TRAF3IP3: variants seen among roughly 807,000 people sequenced by gnomAD.
TRAF3IP3 encodes TRAF3-interacting JNK-activating modulator.
In TRAF3IP3, 64 loss-of-function variants were observed where a neutral mutation model predicts 86.5. The observed-to-expected ratio is 0.74, with a 90% CI of 0.60 to 0.91. The LOEUF (loss-of-function observed/expected upper bound fraction) is 0.91. Among genes scored for constraint, TRAF3IP3 ranks in the 40% least tolerant of loss-of-function variants. The probability of loss-of-function intolerance (pLI) is 0.00; values close to 1 mark genes in which losing one functional copy is unlikely to be tolerated. For missense variants in TRAF3IP3, 579 were observed against 642.9 expected (o/e 0.90, Z 1.07); for synonymous variants, 220 against 243.9 (o/e 0.90, Z 0.91).
intron 9 of TRAF3IP3, among the ~76,000 whole-genome samples, chr1:209,773,829 C>A (rs2077596658): frequency 6.6e-6 from 1 of 152,182 alleles, no homozygotes; most frequent in African/African-American, 2.4e-5. Flanking sequence ...AATATATAAT[C>A]CAGAATGCCA....
rs762449706 is a variant in TRAF3IP3 at position 209,775,566 on chromosome 1, C to T, written c.916-33C>T. ...AACAAGGGGAGCCAGCTGCACAACT[C>T]CCTGGAGCCCTCTCCTCTCTGATCT... is the stretch of plus-strand genomic sequence containing the variant. On this transcript the variant is annotated intron_variant, in intron 10 of 16. Coordinates refer to ENST00000367025, the MANE Select transcript of TRAF3IP3 (RefSeq NM_025228.4). The T allele has an allele frequency of 1.9e-6, 3 of 1,614,176 alleles. No individual in the cohort carries two copies. The South Asian group carries it at 3.3e-5, about 18-fold the overall frequency.
At chr1:209,766,470 T>C (rs1001172374) in intron 8 of TRAF3IP3, among the ~76,000 whole-genome samples, 6 of 152,088 alleles carry the variant, frequency 3.9e-5, no homozygotes, top group African/African-American at 1.4e-4. Flanking sequence ...ACCAAAACAG[T>C]ATAATAAGGC....
At chr1:209,778,555 T>C (rs1340171746) in intron 13 of TRAF3IP3, 3 of 177,676 alleles carry the variant, frequency 1.7e-5, no homozygotes, top group Non-Finnish European at 3.5e-5. Context: ...TATACGTGCC[T>C]CAATCCACTT....
intron 1 of TRAF3IP3, 95 bp downstream of exon 1, chr1:209,756,404 G>C (rs936225528): frequency 6.6e-6 from 1 of 152,244 alleles, no homozygotes; most frequent in Non-Finnish European, 1.5e-5. Context: ...TCCCCTGGGT[G>C]GAGAGTGGGT....
At chr1:209,768,667 A>G in intron 8 of TRAF3IP3, 1 of 985,626 alleles carries the variant, frequency 1.0e-6, no homozygotes, top group South Asian at 4.7e-5. Context: ...CCAGGTGTGT[A>G]TGGCCTCCGC....
intron 6 of TRAF3IP3, 75 bp downstream of exon 6, chr1:209,763,167 C>G (rs2077277909): frequency 6.5e-7 from 1 of 1,550,036 alleles, no homozygotes; most frequent in Admixed American, 1.7e-5. Context: ...CCATGATAAA[C>G]TTGGCTGGGA....
intron 1 of TRAF3IP3, among the ~76,000 whole-genome samples, chr1:209,756,956 G>A (rs754531144): frequency 6.6e-6 from 1 of 152,192 alleles, no homozygotes; most frequent in Non-Finnish European, 1.5e-5. Flanking sequence ...CAGAAAGCCT[G>A]GGCAGTGGCC....
At chr1:209,781,707 T>G in intron 16 of TRAF3IP3, 1 of 488,538 alleles carries the variant, frequency 2.0e-6, no homozygotes. Flanking sequence ...TATGAAAGGG[T>G]GTTCTTTTAG....
chr1:209,779,599 T>C (rs2077734279), intron 14 of TRAF3IP3: 1 of 660,774 alleles, frequency 1.5e-6, no homozygotes, highest in African/African-American at 1.8e-5. Context: ...GGGTTTCTAT[T>C]CTCTCTGAAA....
chr1:209,770,536 T>C (rs1401945495), intron 8 of TRAF3IP3, among the ~76,000 whole-genome samples: 3 of 148,784 alleles, frequency 2.0e-5, no homozygotes, highest in Admixed American at 6.8e-5. Context: ...GAAGTGTGCG[T>C]GTGCAGGTGG....
In TRAF3IP3 at chr1:209,760,018, C is replaced by T. The variant is rs765904295; in HGVS notation, c.-22C>T. ...TATTCCAGGAACTGGAAGCCAAGCG[C>T]AACAGGTGCTTGGAGGTCATCATGA... On this transcript the variant is annotated 5_prime_UTR_variant, in exon 3 of 17. Coordinates refer to ENST00000367025, the MANE Select transcript of TRAF3IP3 (RefSeq NM_025228.4). The T allele has an allele frequency of 6.3e-7, 1 of 1,589,534 alleles. No individual in the cohort carries two copies. The highest frequency in any genetic ancestry group is 1.1e-5 in the South Asian group (1 of 90,516).
chr1:209,781,500 A>G (rs560317678), intron 16 of TRAF3IP3, 42 bp downstream of exon 16: 1 of 1,468,016 alleles, frequency 6.8e-7, no homozygotes, highest in Admixed American at 1.7e-5. Context: ...GGATGATGGG[A>G]CGATTCCTTC....
In TRAF3IP3 at chr1:209,763,077, T is replaced by G; in HGVS notation, c.561T>G (p.Val187=). The change falls in exon 6 of 17, where the codon GTT becomes GTG. Residue 187 remains valine (V), a synonymous_variant. Coordinates refer to ENST00000367025, the MANE Select transcript of TRAF3IP3 (RefSeq NM_025228.4). ...TTTCTTCTCTTTCCAGTTACGGAGT[T>G]GCAGTTCTGGATAAGGTAAGCACAT... ...NDASQQTNYG[V]AVLDKEIIQL... 1 of 1,613,572 alleles carries G rather than the reference T, an allele frequency of 6.2e-7. No homozygotes were observed. Among genetic ancestry groups the G allele is most frequent in the African/African-American group, 1.3e-5 (1 of 75,058 alleles).
At chr1:209,778,797 G>A (rs1444006000) in intron 13 of TRAF3IP3, 1 of 157,552 alleles carries the variant, frequency 6.3e-6, no homozygotes, top group Non-Finnish European at 1.4e-5. Flanking sequence ...AGACATGGTA[G>A]GGGGAGATAT....
chr1:209,763,072 G>C lies in TRAF3IP3; in HGVS notation c.556G>C (p.Gly186Arg), dbSNP rs766448268. 1 of 1,613,396 alleles carries C rather than the reference G, an allele frequency of 6.2e-7. No homozygotes were observed. Among genetic ancestry groups the C allele is most frequent in the Non-Finnish European group, 8.5e-7 (1 of 1,179,612 alleles). The part of the protein sequence containing the change: ...KNDASQQTNY[G>R]VAVLDKEIIQ... ...TTTAATTTCTTCTCTTTCCAGTTAC[G>C]GAGTTGCAGTTCTGGATAAGGTAAG... Residue 186 changes from glycine to arginine, a missense_variant, in exon 6 of 17, where the codon GGA becomes CGA. Physicochemically the swap from Gly to Arg is moderately radical, Grantham distance 125 (BLOSUM62 -2). Coordinates refer to ENST00000367025, the MANE Select transcript of TRAF3IP3 (RefSeq NM_025228.4).
At chr1:209,756,674 G>A (rs1463436236) in intron 1 of TRAF3IP3, among the ~76,000 whole-genome samples, 1 of 152,156 alleles carries the variant, frequency 6.6e-6, no homozygotes, top group African/African-American at 2.4e-5. Flanking sequence ...CAGCTTAAGC[G>A]CAGGCCCCTC....
Position 209,762,837 on chromosome 1 carries a change from C to A in TRAF3IP3, c.518C>A (p.Pro173Gln). The A allele has an allele frequency of 2.5e-6, 4 of 1,614,154 alleles. No individual in the cohort carries two copies. Among genetic ancestry groups the A allele is most frequent in the Non-Finnish European group, 3.4e-6 (4 of 1,180,042 alleles). The change falls in exon 5 of 17, where the codon CCA (proline) becomes CAA (glutamine). Residue 173 changes from proline (P) to glutamine (Q), a missense_variant. Pro to Gln is a moderately conservative substitution (Grantham distance 76). Transcript: ENST00000367025. ...HRGTQTKAEGPTIKNDASQQT... is the reference protein window; with the variant it reads ...HRGTQTKAEGQTIKNDASQQT... ...GGTACTCAGACAAAGGCAGAAGGAC[C>A]AACAATTAAGAACGATGCCAGTCAG...
intron 16 of TRAF3IP3, chr1:209,781,732 G>A: frequency 4.1e-6 from 2 of 482,642 alleles, no homozygotes. Context: ...TGATAAGCAT[G>A]GTGGCAAGAA....
chr1:209,762,630 C>T lies in TRAF3IP3; in HGVS notation c.461C>T (p.Thr154Ile). The T allele has an allele frequency of 6.7e-7, 1 of 1,482,614 alleles. No homozygotes were observed. Among genetic ancestry groups the T allele is most frequent in the Non-Finnish European group, 8.9e-7 (1 of 1,124,766 alleles). The allele number at this position is 1,482,614 out of a possible 1,614,324, so 91.8% of individuals were successfully genotyped here. ...SQAGGLPPQDTPIKKPPKHHR... is the reference protein window; with the variant it reads ...SQAGGLPPQDIPIKKPPKHHR... ...GCTGGGGGCCTTCCTCCACAGGACACTCCCATCAAGAAGCCACCCAAACAC... is the reference window on the plus strand; with the variant it reads ...GCTGGGGGCCTTCCTCCACAGGACATTCCCATCAAGAAGCCACCCAAACAC... Residue 154 changes from threonine to isoleucine, a missense_variant, in exon 4 of 17, where the codon ACT becomes ATT. Transcript: ENST00000367025.
Sources: gnomAD v4.1 joint callset for allele counts (sites outside exome capture counted in the v4.1 genomes callset) on GRCh38, gnomAD v4.1.1 for gene constraint, MANE v1.5 for transcripts, NCBI Gene and HGNC (gene_info 2026-07-23, HGNC 2026-07-21) for gene names.